Variants in QRICH1 observed in about 807,000 individuals in gnomAD.
QRICH1 encodes glutamine rich 1, also known as transcriptional regulator QRICH1.
Under a neutral mutation model 87.1 loss-of-function variants are expected in QRICH1, and 16 were observed. That is an observed-to-expected ratio of 0.18 (90% CI 0.12 to 0.28). QRICH1 has a LOEUF of 0.28. Among genes scored for constraint, QRICH1 ranks in the 10% least tolerant of loss-of-function variants. The probability of loss-of-function intolerance (pLI) is 1.00; values close to 1 mark genes in which losing one functional copy is unlikely to be tolerated. For missense variants in QRICH1, 647 were observed against 951.7 expected (o/e 0.68, Z 4.21); for synonymous variants, 367 against 368.4 (o/e 1.00, Z 0.05).
upstream of QRICH1, chr3:49,094,255 G>A (rs2042338946): frequency 7.9e-6 from 3 of 379,724 alleles, no homozygotes; most frequent in Admixed American, 4.5e-5. Flanking sequence ...GCCTCTCCAT[G>A]TGGGGCGGAG....
intron 1 of QRICH1, among the ~76,000 whole-genome samples, chr3:49,088,455 CCAGCT>C (rs1238073388): frequency 2.6e-5 from 4 of 151,740 alleles, no homozygotes; most frequent in Admixed American, 6.6e-5. Context: ...GCCACCCAGC[CCAGCT>C]AATTTTTTTG....
At chr3:49,075,503 T>C (rs1208589859) in intron 2 of QRICH1, among the ~76,000 whole-genome samples, 1 of 152,062 alleles carries the variant, frequency 6.6e-6, no homozygotes, top group Non-Finnish European at 1.5e-5. Flanking sequence ...TGGTAGCACA[T>C]GCTTGCAATC....
chr3:49,033,370 C>G (rs962660751), intron 6 of QRICH1, 142 bp from the exon 7 acceptor site: 3 of 447,258 alleles, frequency 6.7e-6, no homozygotes, highest in Non-Finnish European at 7.6e-6. Flanking sequence ...CAAAAATCAT[C>G]TGGAAAGCTT....
intron 2 of QRICH1, among the ~76,000 whole-genome samples, chr3:49,076,230 T>C (rs1256595271): frequency 6.6e-6 from 1 of 152,082 alleles, no homozygotes; most frequent in African/African-American, 2.4e-5. Flanking sequence ...CCAAGTACAA[T>C]GACATGGCAG....
chr3:49,062,353 G>GA (rs1334816386), intron 2 of QRICH1, among the ~76,000 whole-genome samples: 1 of 140,528 alleles, frequency 7.1e-6, no homozygotes, highest in African/African-American at 2.6e-5. Context: ...AAAAAAACAA[G>GA]AAAAAATTGG....
intron 2 of QRICH1, among the ~76,000 whole-genome samples, chr3:49,058,819 G>T (rs1301082568): frequency 6.6e-6 from 1 of 152,024 alleles, no homozygotes; most frequent in East Asian, 1.9e-4. Flanking sequence ...GTAGAGACAG[G>T]ATTTCTCCAT....
At chr3:49,070,031 T>C (rs949367693) in intron 2 of QRICH1, among the ~76,000 whole-genome samples, 59 of 151,832 alleles carry the variant, frequency 3.9e-4, no homozygotes, top group Non-Finnish European at 3.2e-4. Context: ...CACGCATTTG[T>C]CACCAAATTT....
intron 3 of QRICH1, among the ~76,000 whole-genome samples, 167 bp from the exon 4 acceptor site, chr3:49,047,413 G>A (rs2093344856): frequency 1.3e-5 from 2 of 151,580 alleles, no homozygotes; most frequent in South Asian, 4.2e-4. Flanking sequence ...TTGCCCCAGG[G>A]ACAGCAAAAG....
chr3:49,078,694 C>CTTTTTTT (rs57367580), intron 1 of QRICH1, among the ~76,000 whole-genome samples: 8 of 78,908 alleles, frequency 1.0e-4, no homozygotes, highest in Admixed American at 1.5e-4. Context: ...CACACCTGTC[C>CTTTTTTT]TTTTTTTTTT....
chr3:49,073,999 C>T (rs1167577024), intron 2 of QRICH1, among the ~76,000 whole-genome samples: 1 of 151,800 alleles, frequency 6.6e-6, no homozygotes, highest in Admixed American at 6.6e-5. Context: ...CCCAGGCTGG[C>T]CTCAAACTTC....
chr3:49,050,366 T>C (rs2093363495), intron 3 of QRICH1, among the ~76,000 whole-genome samples: 1 of 131,990 alleles, frequency 7.6e-6, no homozygotes, highest in African/African-American at 3.0e-5. Flanking sequence ...GAGGTTGCAG[T>C]GAGCCAAGAT....
At chr3:49,065,170 C>G (rs1383216563) in intron 2 of QRICH1, among the ~76,000 whole-genome samples, 1 of 149,126 alleles carries the variant, frequency 6.7e-6, no homozygotes, top group Non-Finnish European at 1.5e-5. Context: ...GAGTCTCACT[C>G]TGTTGCCCAG....
intron 2 of QRICH1, among the ~76,000 whole-genome samples, chr3:49,067,619 A>T (rs1488792353): frequency 6.6e-6 from 1 of 151,946 alleles, no homozygotes; most frequent in Admixed American, 6.6e-5. Flanking sequence ...CTTCCCTTCA[A>T]TTTTTTTAAT....
At chr3:49,056,822 G>T in intron 3 of QRICH1, 40 bp downstream of exon 3, 1 of 1,613,912 alleles carries the variant, frequency 6.2e-7, no homozygotes, top group Non-Finnish European at 8.5e-7. Context: ...TGGGCCCTGA[G>T]GGACCAGGCT....
intron 5 of QRICH1, among the ~76,000 whole-genome samples, chr3:49,045,054 TCTC>T (rs921919594): frequency 1.3e-5 from 2 of 152,036 alleles, no homozygotes; most frequent in African/African-American, 4.8e-5. Context: ...ACTGTGGGTT[TCTC>T]CTCAAGAGCC....
intron 1 of QRICH1, among the ~76,000 whole-genome samples, chr3:49,085,896 TA>T (rs887661032): frequency 1.3e-5 from 2 of 152,030 alleles, no homozygotes; most frequent in African/African-American, 4.8e-5. Flanking sequence ...GAGAAACTTC[TA>T]AAAGAGACAA....
intron 6 of QRICH1, among the ~76,000 whole-genome samples, chr3:49,035,650 AAAAAAAAAAC>A (rs1003748599): frequency 1.3e-4 from 20 of 150,968 alleles, no homozygotes; most frequent in African/African-American, 4.1e-4. Flanking sequence ...AAAAACCTTA[AAAAAAAAAAC>A]AAAAAAAAAC....
chr3:49,052,510 T>C (rs192666607), intron 3 of QRICH1, among the ~76,000 whole-genome samples: 31 of 152,118 alleles, frequency 2.0e-4, no homozygotes, highest in Admixed American at 3.9e-4. Flanking sequence ...TGCCCCTTTT[T>C]TGTTTGTTTG....
chr3:49,053,443 C>T (rs1045548788), intron 3 of QRICH1, among the ~76,000 whole-genome samples: 1 of 147,044 alleles, frequency 6.8e-6, no homozygotes, highest in Non-Finnish European at 1.5e-5. Context: ...CGAGATCGCA[C>T]CACTGCACTC....
Sources: gnomAD v4.1 joint callset for allele counts (sites outside exome capture counted in the v4.1 genomes callset) on GRCh38, gnomAD v4.1.1 for gene constraint, MANE v1.5 for transcripts, NCBI Gene and HGNC (gene_info 2026-07-23, HGNC 2026-07-21) for gene names.